The following PCDH9 variants were observed in gnomAD, a reference collection of about 807,000 sequenced individuals.
PCDH9 encodes the protein protocadherin 9, also known as protocadherin-9.
PCDH9 carries 24 observed loss-of-function variants against 70.6 expected under a neutral mutation model. The ratio of observed to expected loss-of-function variants is 0.34; its 90% CI spans 0.25 to 0.48. The LOEUF is 0.48. Among genes scored for constraint, PCDH9 ranks in the 20% least tolerant of loss-of-function variants. PCDH9 has a pLI of 0.99. For synonymous variants in PCDH9, 562 were observed against 558.5 expected, an observed-to-expected ratio of 1.01 and a Z score of -0.09; for missense variants, 1,281 against 1,503.6, an observed-to-expected ratio of 0.85 and a Z score of 2.45.
intron 3 of PCDH9, among the ~76,000 whole-genome samples, chr13:66,875,867 T>C (rs886875236): frequency 6.6e-6 from 1 of 152,196 alleles, no homozygotes; most frequent in African/African-American, 2.4e-5. Flanking sequence ...CTTGCCTTTT[T>C]CCCTAAATAC....
intron 4 of PCDH9, among the ~76,000 whole-genome samples, chr13:66,468,354 T>C (rs1316051146): frequency 6.6e-6 from 1 of 152,106 alleles, no homozygotes; most frequent in Non-Finnish European, 1.5e-5. Context: ...TCTACCATCA[T>C]CTCAGACCCT....
chr13:66,849,917 G>A (rs1353714860), intron 3 of PCDH9, among the ~76,000 whole-genome samples: 2 of 152,118 alleles, frequency 1.3e-5, no homozygotes, highest in African/African-American at 2.4e-5. Context: ...CTGCATAGAT[G>A]CCTGGGCACA....
At chr13:66,979,129 A>C (rs1204438256) in intron 2 of PCDH9, among the ~76,000 whole-genome samples, 1 of 152,128 alleles carries the variant, frequency 6.6e-6, no homozygotes, top group Non-Finnish European at 1.5e-5. Flanking sequence ...AAAAAATATC[A>C]GTATCAGAGC....
chr13:66,623,043 C>G (rs1368609030), intron 4 of PCDH9, among the ~76,000 whole-genome samples: 2 of 152,162 alleles, frequency 1.3e-5, no homozygotes, highest in Non-Finnish European at 2.9e-5. Flanking sequence ...CGCGAGACCG[C>G]GAACCCACCA....
intron 4 of PCDH9, among the ~76,000 whole-genome samples, chr13:66,514,280 A>C (rs577290803): frequency 1.3e-5 from 2 of 152,140 alleles, no homozygotes; most frequent in East Asian, 3.9e-4. Flanking sequence ...AATAAAATCT[A>C]TTTTTTGGAC....
intron 4 of PCDH9, among the ~76,000 whole-genome samples, chr13:66,577,467 C>T (rs1167244178): frequency 2.6e-5 from 4 of 151,706 alleles, no homozygotes; most frequent in Non-Finnish European, 2.9e-5. Flanking sequence ...ATTATATGAA[C>T]TCTATATTTG....
At chr13:66,763,939 C>T (rs746028262) in intron 3 of PCDH9, among the ~76,000 whole-genome samples, 18 of 151,842 alleles carry the variant, frequency 1.2e-4, no homozygotes, top group Non-Finnish European at 2.4e-4. Context: ...GCTGGGATTA[C>T]AGGTGCCCAC....
chr13:66,509,718 G>A (rs564688225), intron 4 of PCDH9, among the ~76,000 whole-genome samples: 3 of 152,174 alleles, frequency 2.0e-5, no homozygotes, highest in African/African-American at 7.2e-5. Context: ...CTCCCAAAGC[G>A]CTGGGACTGC....
intron 4 of PCDH9, among the ~76,000 whole-genome samples, chr13:66,385,448 A>G (rs1956912707): frequency 1.3e-5 from 2 of 152,064 alleles, no homozygotes; most frequent in African/African-American, 2.4e-5. Flanking sequence ...AGCCCGCCCT[A>G]TCCTCCCCAA....
chr13:66,304,923 C>G lies in PCDH9; in HGVS notation c.3446G>C (p.Gly1149Ala), dbSNP rs1336069735. ...SDNCWMPPGL[G>A]PYQHPKSPLS... ...AGGAGATTTGGGGTGTTGATATGGA[C>G]CCAAGCCAGGAGGCATCCAGCAATT... The change falls in exon 5 of 5, where the codon GGT (glycine) becomes GCT (alanine). Residue 1149 changes from glycine (G) to alanine (A), a missense_variant. By Grantham distance (60) the Gly-to-Ala change is moderately conservative (BLOSUM62 0). This residue lies in a region of PCDH9 where 264 missense variants were observed against 278.8 expected (regional missense o/e 0.95). Transcript: ENST00000377865. 1 of 1,613,368 alleles carries G rather than the reference C, an allele frequency of 6.2e-7. No individual in the cohort carries two copies. The highest frequency in any genetic ancestry group is 1.7e-5 in the Admixed American group (1 of 59,860).
intron 2 of PCDH9, among the ~76,000 whole-genome samples, chr13:67,146,705 T>A (rs963328135): frequency 6.6e-6 from 1 of 152,096 alleles, no homozygotes; most frequent in Middle Eastern, 3.2e-3. Context: ...CATTAAGGAG[T>A]TATGAAGGAG....
At chr13:66,807,927 A>G (rs553118453) in intron 3 of PCDH9, among the ~76,000 whole-genome samples, 61 of 152,198 alleles carry the variant, frequency 4.0e-4, no homozygotes, top group African/African-American at 1.3e-3. Context: ...AGTATTTTCT[A>G]TTTTCTCAAT....
chr13:66,344,477 A>C (rs1179679568), intron 4 of PCDH9, among the ~76,000 whole-genome samples: 5 of 152,176 alleles, frequency 3.3e-5, no homozygotes, highest in Non-Finnish European at 7.3e-5. Context: ...GCACATTGAC[A>C]TATTAGTACA....
chr13:66,864,867 G>T (rs2081544467), intron 3 of PCDH9, among the ~76,000 whole-genome samples: 1 of 152,218 alleles, frequency 6.6e-6, no homozygotes, highest in African/African-American at 2.4e-5. Context: ...TAGCAAAAAT[G>T]AACAGGTGTT....
At chr13:66,820,994 T>A (rs1485642173) in intron 3 of PCDH9, among the ~76,000 whole-genome samples, 1 of 152,012 alleles carries the variant, frequency 6.6e-6, no homozygotes, top group Non-Finnish European at 1.5e-5. Flanking sequence ...ACTTAAAATT[T>A]AAAAAAAATT....
chr13:67,030,461 A>G (rs1443757967), intron 2 of PCDH9, among the ~76,000 whole-genome samples: 1 of 151,846 alleles, frequency 6.6e-6, no homozygotes, highest in Non-Finnish European at 1.5e-5. Flanking sequence ...GTTTGTACCC[A>G]TTAACCAACC....
intron 4 of PCDH9, among the ~76,000 whole-genome samples, chr13:66,509,037 A>G (rs1366842242): frequency 1.3e-5 from 2 of 152,136 alleles, no homozygotes; most frequent in African/African-American, 4.8e-5. Flanking sequence ...CCTGTGGAAA[A>G]AGATTATTAT....
intron 2 of PCDH9, among the ~76,000 whole-genome samples, chr13:67,054,810 A>T (rs935894131): frequency 6.6e-6 from 1 of 152,154 alleles, no homozygotes; most frequent in Non-Finnish European, 1.5e-5. Context: ...CACAGTCCTT[A>T]ATCAGAAACA....
In PCDH9 at chr13:66,698,119, T is replaced by C. The variant is rs144709647; in HGVS notation, c.3139-66708A>G. On this transcript the variant is annotated intron_variant, in intron 3 of 4. Transcript: ENST00000377865. The stretch of plus-strand genomic sequence containing the variant: ...ATAGAATGGCGGTTGACAGGGTCTG[T>C]GGGGCAGTAGAAATGGGAAGTTATT... Among the ~76,000 whole-genome samples, 288 of 152,250 alleles carry C rather than the reference T, an allele frequency of 1.9e-3. 1 individual carries two copies. Among genetic ancestry groups the C allele is most frequent in the African/African-American group, 6.7e-3 (280 of 41,556 alleles).
Sources: allele counts gnomAD v4.1 joint callset (sites outside exome capture counted in the v4.1 genomes callset), GRCh38; gene constraint gnomAD v4.1.1; regional missense constraint gnomAD v4.1.1; transcripts MANE v1.5; gene names NCBI Gene and HGNC (gene_info 2026-07-23, HGNC 2026-07-21).